The following ZSWIM6 variants were observed in gnomAD, a reference collection of about 807,000 sequenced individuals.
ZSWIM6 encodes the protein zinc finger SWIM-type containing 6, also known as zinc finger SWIM domain-containing protein 6.
Under a neutral mutation model 113.2 loss-of-function variants are expected in ZSWIM6, and 9 were observed. That is an observed-to-expected ratio of 0.08 (90% CI 0.05 to 0.14). ZSWIM6 has a LOEUF of 0.14. Among genes scored for constraint, ZSWIM6 ranks in the 10% least tolerant of loss-of-function variants. The pLI, the probability that ZSWIM6 is intolerant of heterozygous loss-of-function variation, is 1.00. For synonymous variants in ZSWIM6, 611 were observed against 606.5 expected (o/e 1.01, Z -0.11); for missense variants, 1,162 against 1,552.2 (o/e 0.75, Z 4.22).
At chr5:61,503,365 G>A (rs1302575077) in intron 4 of ZSWIM6, among the ~76,000 whole-genome samples, 1 of 152,150 alleles carries the variant, frequency 6.6e-6, no homozygotes, top group Non-Finnish European at 1.5e-5. Flanking sequence ...CTTTGAAATA[G>A]AAAGCCAAAT....
intron 1 of ZSWIM6, among the ~76,000 whole-genome samples, chr5:61,423,124 G>A (rs527646341): frequency 6.6e-6 from 1 of 152,098 alleles, no homozygotes; most frequent in African/African-American, 2.4e-5. Context: ...ATAGTGGTGA[G>A]GGCCAGGCGC....
chr5:61,356,731 AATATATATTAT>A lies in ZSWIM6; in HGVS notation c.676+23792_676+23802del, dbSNP rs1196742702. ...ATATAATATATATAACATAATATAT[AATATATATTAT>A]ATATATATATTATATATAATATGTA... On this transcript the variant is annotated intron_variant, in intron 1 of 13. Transcript: ENST00000252744. Among the ~76,000 whole-genome samples the A allele has an allele frequency of 7.6e-5, 10 of 131,378 alleles. No individual in the cohort carries two copies. In the East Asian group the frequency reaches 8.2e-4, roughly 11 times the overall value. The allele number at this position is 131,378 out of a possible 152,430, so 86.2% of individuals were successfully genotyped here.
chr5:61,402,794 A>G (rs1194095716), intron 1 of ZSWIM6, among the ~76,000 whole-genome samples: 2 of 152,216 alleles, frequency 1.3e-5, no homozygotes, highest in Non-Finnish European at 2.9e-5. Flanking sequence ...GGGAATATTT[A>G]GAATTTGTAT....
chr5:61,479,363 TG>T (rs2112195985), intron 2 of ZSWIM6, among the ~76,000 whole-genome samples: 2 of 152,234 alleles, frequency 1.3e-5, no homozygotes, highest in Admixed American at 1.3e-4. Flanking sequence ...ATGAGGAATT[TG>T]TTGGGGAATG....
chr5:61,450,031 T>TA (rs747832078), intron 1 of ZSWIM6, among the ~76,000 whole-genome samples: 5 of 152,216 alleles, frequency 3.3e-5, no homozygotes, highest in Non-Finnish European at 7.3e-5. Context: ...AATGAAAGAA[T>TA]AGTTTCCTTT....
At chr5:61,408,953 G>A (rs1442561804) in intron 1 of ZSWIM6, among the ~76,000 whole-genome samples, 1 of 152,224 alleles carries the variant, frequency 6.6e-6, no homozygotes, top group Non-Finnish European at 1.5e-5. Context: ...ATGGCGCGGG[G>A]GCGGGGCGGC....
intron 1 of ZSWIM6, among the ~76,000 whole-genome samples, chr5:61,341,973 G>A (rs1024792067): frequency 6.8e-6 from 1 of 147,532 alleles, no homozygotes; most frequent in Non-Finnish European, 1.5e-5. Flanking sequence ...TCTGCCTCCC[G>A]GGTTCAAGCG....
chr5:61,531,455 C>A lies in ZSWIM6; in HGVS notation c.1985-10C>A. The A allele has an allele frequency of 1.3e-6, 2 of 1,530,448 alleles. No individual in the cohort carries two copies. Among genetic ancestry groups the A allele is most frequent in the South Asian group, 2.4e-5 (2 of 83,334 alleles). 94.8% of individuals were successfully genotyped at this position (1,530,448 alleles called of 1,614,324 possible). On this transcript the variant is annotated splice_polypyrimidine_tract_variant and intron_variant, in intron 8 of 13. Transcript: ENST00000252744. Reference sequence around the variant, plus strand: ...TTCTGAGCTCTGATTTCTTTTGTGGCATTTTGCAGAGAATATGGGACAGTG... The same window carrying A: ...TTCTGAGCTCTGATTTCTTTTGTGGAATTTTGCAGAGAATATGGGACAGTG...
intron 1 of ZSWIM6, among the ~76,000 whole-genome samples, chr5:61,378,559 AT>A (rs66744107): frequency 0.22 from 32,270 of 147,290 alleles, 3,539 homozygotes; most frequent in South Asian, 0.31. Context: ...CCTTTCAGAT[AT>A]TTTTTTTTTT....
At position 61,371,293 on chromosome 5, in the gene ZSWIM6, C is replaced by T. The variant is rs540981447; in HGVS notation, c.676+38345C>T. Among the ~76,000 whole-genome samples the T allele has an allele frequency of 1.1e-4, 16 of 152,126 alleles. No homozygotes were observed. In the South Asian group the frequency reaches 3.3e-3, roughly 32 times the overall value. Reference sequence around the variant, plus strand: ...CTCTTAAAATTGATGACTTTATCAACTATCTACACTTATTATGAAGATGTA... The same window carrying T: ...CTCTTAAAATTGATGACTTTATCAATTATCTACACTTATTATGAAGATGTA... On this transcript the variant is annotated intron_variant, in intron 1 of 13. Coordinates refer to ENST00000252744, the MANE Select transcript of ZSWIM6 (RefSeq NM_020928.2).
At chr5:61,420,053 A>G (rs962125138) in intron 1 of ZSWIM6, among the ~76,000 whole-genome samples, 94 of 152,252 alleles carry the variant, frequency 6.2e-4, no homozygotes, top group Non-Finnish European at 7.3e-5. Context: ...GTTGTGTCAT[A>G]TACATTAGAA....
chr5:61,454,214 AATTTTATTTT>A (rs140502029), intron 1 of ZSWIM6, among the ~76,000 whole-genome samples: 14,673 of 128,368 alleles, frequency 0.11, 928 homozygotes, highest in South Asian at 0.15. Context: ...GAGTTCCCTA[AATTTTATTTT>A]ATTTTATTTT....
rs1415195748 is a variant in ZSWIM6 at position 61,526,379 on chromosome 5, T to C, written c.1820T>C (p.Phe607Ser). The change falls in exon 7 of 14, where the codon TTC becomes TCC. Residue 607 changes from phenylalanine (F) to serine (S), a missense_variant. Phe to Ser is a radical substitution (Grantham distance 155). Transcript: ENST00000252744. ...CAGCAGCAGAAACAGTTGGAAATGTTCCGAACCCAAAAAAAAGGTGAATGT... is the reference window on the plus strand; with the variant it reads ...CAGCAGCAGAAACAGTTGGAAATGTCCCGAACCCAAAAAAAAGGTGAATGT... ...RRQQQKQLEM[F>S]RTQKKELPHK... 6.4e-7 allele frequency: 1 copy of C among 1,551,922 alleles called. No homozygotes were observed. Among genetic ancestry groups the C allele is most frequent in the South Asian group, 1.2e-5 (1 of 83,974 alleles).
intron 4 of ZSWIM6, among the ~76,000 whole-genome samples, chr5:61,497,294 C>T (rs1220222864): frequency 6.6e-6 from 1 of 152,064 alleles, no homozygotes. Flanking sequence ...TTTACAATTT[C>T]CTGCTTACAT....
chr5:61,453,392 T>TTG (rs1187702557), intron 1 of ZSWIM6, among the ~76,000 whole-genome samples: 21 of 151,820 alleles, frequency 1.4e-4, no homozygotes, highest in Non-Finnish European at 2.5e-4. Context: ...TTTTTTTTTT[T>TTG]TGTGCCAGGG....
chr5:61,539,854 G>T (rs935169005), intron 12 of ZSWIM6, 95 bp downstream of exon 12: 2 of 1,212,050 alleles, frequency 1.7e-6, no homozygotes, highest in African/African-American at 1.5e-5. Flanking sequence ...TTGAGTGCAG[G>T]TAAATGACTC....
chr5:61,510,495 C>T (rs912406696), intron 4 of ZSWIM6, among the ~76,000 whole-genome samples: 20 of 141,336 alleles, frequency 1.4e-4, no homozygotes, highest in African/African-American at 5.1e-4. Context: ...CTTTGTGTGA[C>T]GAATGCTTTT....
At chr5:61,408,564 G>T (rs1350679257) in intron 1 of ZSWIM6, among the ~76,000 whole-genome samples, 1 of 152,212 alleles carries the variant, frequency 6.6e-6, no homozygotes, top group Non-Finnish European at 1.5e-5. Flanking sequence ...TTGTAAATTG[G>T]TGAGGAATAT....
intron 1 of ZSWIM6, among the ~76,000 whole-genome samples, chr5:61,427,185 A>G (rs184760345): frequency 2.2e-4 from 33 of 152,334 alleles, no homozygotes; most frequent in Admixed American, 2.1e-3. Context: ...GTGTTTATAT[A>G]TACAGTCATC....
Sources: gnomAD v4.1 joint callset for allele counts (sites outside exome capture counted in the v4.1 genomes callset) on GRCh38, gnomAD v4.1.1 for gene constraint, MANE v1.5 for transcripts, NCBI Gene and HGNC (gene_info 2026-07-23, HGNC 2026-07-21) for gene names.